The following PBX1 variants were observed in gnomAD, a reference collection of about 807,000 sequenced individuals.
PBX1 encodes the protein PBX homeobox 1.
A neutral mutation model predicts 53.4 loss-of-function variants in PBX1; 6 were observed. The observed-to-expected ratio is 0.11, with a 90% CI of 0.06 to 0.22. PBX1 has a LOEUF of 0.22. Among genes scored for constraint, PBX1 ranks in the 10% least tolerant of loss-of-function variants. The probability of loss-of-function intolerance (pLI) is 1.00; values close to 1 mark genes in which losing one functional copy is unlikely to be tolerated. For missense variants in PBX1, 251 were observed against 551.4 expected (o/e 0.46, Z 5.46); for synonymous variants, 204 against 212.3 (o/e 0.96, Z 0.34).
intron 4 of PBX1, among the ~76,000 whole-genome samples, chr1:164,803,540 T>C (rs1480999689): frequency 1.3e-5 from 2 of 152,132 alleles, no homozygotes; most frequent in African/African-American, 4.8e-5. Context: ...TGTAAATCTG[T>C]GGCGGATGTT....
At chr1:164,700,664 C>T (rs1663066202) in intron 2 of PBX1, 1 of 985,070 alleles carries the variant, frequency 1.0e-6, no homozygotes, top group African/African-American at 1.8e-5. Context: ...AGGTGGAGAC[C>T]CTGCAGCAGA....
intron 2 of PBX1, among the ~76,000 whole-genome samples, chr1:164,578,581 C>T (rs552103360): frequency 2.0e-5 from 3 of 152,094 alleles, no homozygotes; most frequent in Non-Finnish European, 4.4e-5. Flanking sequence ...GTGGCCCTTA[C>T]CCTCAAGGAG....
chr1:164,567,528 A>G (rs946756581), intron 2 of PBX1, among the ~76,000 whole-genome samples: 1 of 152,052 alleles, frequency 6.6e-6, no homozygotes, highest in African/African-American at 2.4e-5. Flanking sequence ...ACCTGATGCT[A>G]TCTTTCAGGT....
intron 2 of PBX1, chr1:164,683,944 T>C (rs1020004469): frequency 6.6e-6 from 1 of 152,192 alleles, no homozygotes; most frequent in African/African-American, 2.4e-5. Flanking sequence ...TAGCTGGGAA[T>C]ATAGGCATGT....
At chr1:164,565,660 A>G (rs891289868) in intron 2 of PBX1, among the ~76,000 whole-genome samples, 4 of 152,124 alleles carry the variant, frequency 2.6e-5, no homozygotes, top group African/African-American at 4.8e-5. Context: ...TTGGCTACTC[A>G]AGACCCTGGA....
chr1:164,687,275 ATT>A (rs1460082072), intron 2 of PBX1, among the ~76,000 whole-genome samples: 1 of 152,120 alleles, frequency 6.6e-6, no homozygotes, highest in African/African-American at 2.4e-5. Flanking sequence ...GTATCTAAGT[ATT>A]TCAGGCCAGA....
intron 2 of PBX1, among the ~76,000 whole-genome samples, chr1:164,769,702 T>G (rs1246071938): frequency 6.6e-6 from 1 of 152,118 alleles, no homozygotes; most frequent in African/African-American, 2.4e-5. Flanking sequence ...ATGAATAACT[T>G]ATATATAAGT....
intron 2 of PBX1, among the ~76,000 whole-genome samples, chr1:164,567,858 T>A (rs1426294450): frequency 1.3e-5 from 2 of 152,134 alleles, no homozygotes; most frequent in African/African-American, 4.8e-5. Flanking sequence ...GAGAGCGATT[T>A]AGGTTATACT....
At chr1:164,718,305 A>G (rs1292043654) in intron 2 of PBX1, among the ~76,000 whole-genome samples, 1 of 152,220 alleles carries the variant, frequency 6.6e-6, no homozygotes, top group Non-Finnish European at 1.5e-5. Context: ...AGAATTCATC[A>G]TACACAACCT....
At chr1:164,736,584 A>G (rs911816238) in intron 2 of PBX1, among the ~76,000 whole-genome samples, 1 of 152,210 alleles carries the variant, frequency 6.6e-6, no homozygotes, top group Non-Finnish European at 1.5e-5. Flanking sequence ...GAACAATGAC[A>G]TATACATTAT....
intron 2 of PBX1, among the ~76,000 whole-genome samples, chr1:164,867,612 A>G (rs774117342): frequency 2.0e-5 from 3 of 152,164 alleles, no homozygotes; most frequent in Non-Finnish European, 4.4e-5. Context: ...CACCTTTCCC[A>G]TTAGCTTGGA....
intron 2 of PBX1, among the ~76,000 whole-genome samples, chr1:164,686,868 A>G (rs1332022655): frequency 6.6e-6 from 1 of 151,762 alleles, no homozygotes; most frequent in Non-Finnish European, 1.5e-5. Context: ...GGGGTAGGAG[A>G]ATGTCGTGAA....
At chr1:164,688,183 G>T (rs746683275) in intron 2 of PBX1, among the ~76,000 whole-genome samples, 3 of 152,124 alleles carry the variant, frequency 2.0e-5, no homozygotes, top group Non-Finnish European at 4.4e-5. Context: ...TCTTTGAAAC[G>T]TGTGCATCCG....
At chr1:164,570,016 G>T (rs568255034) in intron 2 of PBX1, among the ~76,000 whole-genome samples, 3 of 152,280 alleles carry the variant, frequency 2.0e-5, no homozygotes, top group Admixed American at 1.3e-4. Flanking sequence ...GACAACAACC[G>T]CTTGAAAAGC....
At chr1:164,729,304 A>G (rs571961969) in intron 2 of PBX1, among the ~76,000 whole-genome samples, 31 of 152,330 alleles carry the variant, frequency 2.0e-4, no homozygotes, top group African/African-American at 7.5e-4. Context: ...TCTGCTCACT[A>G]TGAAATGGAC....
intron 2 of PBX1, among the ~76,000 whole-genome samples, chr1:164,636,428 A>G (rs1406086300): frequency 1.3e-5 from 2 of 152,194 alleles, no homozygotes; most frequent in Non-Finnish European, 2.9e-5. Context: ...TGCCTTGTAG[A>G]GTGGCTTTCC....
intron 4 of PBX1, among the ~76,000 whole-genome samples, chr1:164,800,136 G>A (rs528263308): frequency 6.6e-6 from 1 of 152,316 alleles, no homozygotes; most frequent in East Asian, 1.9e-4. Flanking sequence ...GGAGGACTTA[G>A]GTACAGTGAG....
intron 2 of PBX1, among the ~76,000 whole-genome samples, chr1:164,788,190 G>C (rs1484731030): frequency 6.6e-6 from 1 of 152,142 alleles, no homozygotes; most frequent in Non-Finnish European, 1.5e-5. Flanking sequence ...TTGGATCTTG[G>C]AGGATGAGTG....
intron 2 of PBX1, among the ~76,000 whole-genome samples, chr1:164,764,405 A>G (rs963799362): frequency 1.3e-5 from 2 of 152,190 alleles, no homozygotes; most frequent in African/African-American, 4.8e-5. Flanking sequence ...TAGCCTCTTA[A>G]TATGATTTTC....
Sources: allele counts gnomAD v4.1 joint callset (sites outside exome capture counted in the v4.1 genomes callset), GRCh38; gene constraint gnomAD v4.1.1; transcripts MANE v1.5; gene names NCBI Gene and HGNC (gene_info 2026-07-23, HGNC 2026-07-21).